Variants in GBE1 observed in about 807,000 individuals in gnomAD.
The protein encoded by GBE1 is 1,4-alpha-glucan-branching enzyme.
A neutral mutation model predicts 88.8 loss-of-function variants in GBE1; 70 were observed. The ratio of observed to expected loss-of-function variants is 0.79; its 90% CI spans 0.65 to 0.96. The LOEUF is 0.96. GBE1 is among the 40% of genes least tolerant of loss of function. The pLI is 0.00. For missense variants in GBE1, 872 were observed against 871.0 expected, an observed-to-expected ratio of 1.00 and a Z score of -0.01; for synonymous variants, 284 against 300.1, an observed-to-expected ratio of 0.95 and a Z score of 0.56.
At chr3:81,609,514 TC>T (rs1704144634) in intron 7 of GBE1, among the ~76,000 whole-genome samples, 1 of 152,124 alleles carries the variant, frequency 6.6e-6, no homozygotes, top group Non-Finnish European at 1.5e-5. Flanking sequence ...TTTCTGTACT[TC>T]TAAAATCTTA....
At chr3:81,665,963 AT>A (rs900590372) in intron 3 of GBE1, among the ~76,000 whole-genome samples, 3 of 139,686 alleles carry the variant, frequency 2.1e-5, no homozygotes, top group African/African-American at 8.3e-5. Flanking sequence ...GAATGAGTAT[AT>A]TAATACATTT....
chr3:81,607,156 T>G (rs369775186), intron 7 of GBE1, among the ~76,000 whole-genome samples: 2 of 152,250 alleles, frequency 1.3e-5, no homozygotes, highest in East Asian at 1.9e-4. Flanking sequence ...CAGTGCCTTG[T>G]TATTTTATTC....
chr3:81,637,912 C>T (rs747398470), intron 7 of GBE1, among the ~76,000 whole-genome samples: 5 of 151,868 alleles, frequency 3.3e-5, no homozygotes, highest in Non-Finnish European at 5.9e-5. Flanking sequence ...GAGGGCTTAC[C>T]TCAGGAATGC....
chr3:81,723,344 G>A (rs1419116884), intron 1 of GBE1, among the ~76,000 whole-genome samples: 11 of 148,576 alleles, frequency 7.4e-5, no homozygotes, highest in Admixed American at 3.4e-4. Context: ...CTCGTGATCC[G>A]CCCGCCTCAG....
intron 14 of GBE1, among the ~76,000 whole-genome samples, chr3:81,516,813 C>G (rs1044308909): frequency 5.3e-5 from 8 of 151,532 alleles, no homozygotes; most frequent in Admixed American, 4.6e-4. Flanking sequence ...GAACTAACTG[C>G]AGATGCAGTG....
At chr3:81,682,736 T>C (rs1371556394) in intron 2 of GBE1, among the ~76,000 whole-genome samples, 1 of 152,112 alleles carries the variant, frequency 6.6e-6, no homozygotes, top group African/African-American at 2.4e-5. Flanking sequence ...GACACAGCAA[T>C]TCCACTCCAA....
chr3:81,658,296 T>C (rs1449510567), intron 3 of GBE1, among the ~76,000 whole-genome samples: 1 of 152,004 alleles, frequency 6.6e-6, no homozygotes, highest in African/African-American at 2.4e-5. Flanking sequence ...TACAAATGAG[T>C]GTCAGACCAG....
intron 1 of GBE1, among the ~76,000 whole-genome samples, chr3:81,743,987 A>G (rs1706388538): frequency 1.3e-5 from 2 of 152,126 alleles, no homozygotes; most frequent in Non-Finnish European, 2.9e-5. Context: ...CAGAGTCCCT[A>G]TCTTAGGCTA....
At chr3:81,551,971 C>T (rs1703277660) in intron 12 of GBE1, among the ~76,000 whole-genome samples, 1 of 152,144 alleles carries the variant, frequency 6.6e-6, no homozygotes, top group African/African-American at 2.4e-5. Context: ...ATGCTGGGTC[C>T]ATACCCTCAC....
intron 7 of GBE1, among the ~76,000 whole-genome samples, chr3:81,632,042 A>G (rs140093692): frequency 1.6e-3 from 248 of 152,174 alleles, no homozygotes; most frequent in Middle Eastern, 6.8e-3. Flanking sequence ...CCGATTTATC[A>G]GTGAGAACAT....
At chr3:81,725,508 T>C (rs988514614) in intron 1 of GBE1, among the ~76,000 whole-genome samples, 5 of 152,132 alleles carry the variant, frequency 3.3e-5, no homozygotes, top group African/African-American at 1.2e-4. Flanking sequence ...GAGGATGCTT[T>C]ATAGTTAATT....
chr3:81,742,648 T>G (rs1200952462), intron 1 of GBE1, among the ~76,000 whole-genome samples: 1 of 152,142 alleles, frequency 6.6e-6, no homozygotes, highest in African/African-American at 2.4e-5. Flanking sequence ...ACTACTGGCC[T>G]GGCTGGAAAA....
intron 2 of GBE1, among the ~76,000 whole-genome samples, chr3:81,700,913 G>A (rs1034753632): frequency 2.0e-5 from 3 of 151,990 alleles, no homozygotes; most frequent in Non-Finnish European, 4.4e-5. Context: ...AATGCTTTCC[G>A]TTATAGCAAA....
intron 7 of GBE1, among the ~76,000 whole-genome samples, chr3:81,638,509 A>G (rs1316435098): frequency 3.3e-5 from 5 of 152,162 alleles, no homozygotes; most frequent in African/African-American, 1.2e-4. Context: ...CAGAATTTAA[A>G]ACTGGGACCA....
At chr3:81,574,953 A>C (rs991720717) in intron 12 of GBE1, among the ~76,000 whole-genome samples, 1 of 152,300 alleles carries the variant, frequency 6.6e-6, no homozygotes, top group Non-Finnish European at 1.5e-5. Flanking sequence ...TCACGAGGTC[A>C]GGAGATCGAG....
chr3:81,512,261 C>T (rs1318266230), intron 14 of GBE1, among the ~76,000 whole-genome samples: 1 of 151,690 alleles, frequency 6.6e-6, no homozygotes, highest in Non-Finnish European at 1.5e-5. Flanking sequence ...CACTACCTGG[C>T]TGATAGGATC....
intron 2 of GBE1, among the ~76,000 whole-genome samples, chr3:81,684,686 T>G (rs1309692771): frequency 6.6e-6 from 1 of 152,226 alleles, no homozygotes; most frequent in African/African-American, 2.4e-5. Context: ...CTAGATTTTA[T>G]GTTTGCCCTC....
intron 7 of GBE1, among the ~76,000 whole-genome samples, chr3:81,602,994 C>T (rs1204772049): frequency 6.6e-6 from 1 of 152,134 alleles, no homozygotes; most frequent in East Asian, 1.9e-4. Flanking sequence ...TGCTTACTCT[C>T]TGCCTGGAGA....
At chr3:81,634,123 G>A (rs541792191) in intron 7 of GBE1, among the ~76,000 whole-genome samples, 2 of 152,246 alleles carry the variant, frequency 1.3e-5, no homozygotes, top group South Asian at 4.1e-4. Context: ...GAACCACCTG[G>A]CCTGCTTCTC....
Sources: allele counts gnomAD v4.1 joint callset (sites outside exome capture counted in the v4.1 genomes callset), GRCh38; gene constraint gnomAD v4.1.1; transcripts MANE v1.5; gene names NCBI Gene and HGNC (gene_info 2026-07-23, HGNC 2026-07-21).